STXBP5L: variants seen among roughly 807,000 people sequenced by gnomAD.
STXBP5L encodes syntaxin binding protein 5L, also known as syntaxin-binding protein 5-like.
Under a neutral mutation model 144.5 loss-of-function variants are expected in STXBP5L, and 65 were observed. That is an observed-to-expected ratio of 0.45 (90% CI 0.37 to 0.55). The LOEUF (loss-of-function observed/expected upper bound fraction) is 0.55, where lower values mean the gene tolerates loss of function less well. Among genes scored for constraint, STXBP5L ranks in the 20% least tolerant of loss-of-function variants. The pLI, the probability that STXBP5L is intolerant of heterozygous loss-of-function variation, is 0.00. For missense variants in STXBP5L, 1,298 were observed against 1,405.5 expected (o/e 0.92, Z 1.22); for synonymous variants, 505 against 469.6 (o/e 1.08, Z -0.97).
chr3:121,083,500 A>G (rs1236172122), intron 5 of STXBP5L, among the ~76,000 whole-genome samples: 1 of 151,978 alleles, frequency 6.6e-6, no homozygotes, highest in Non-Finnish European at 1.5e-5. Flanking sequence ...CATCTCTACT[A>G]AAAATACAAA....
At chr3:120,959,411 C>T (rs1487415554) in intron 3 of STXBP5L, among the ~76,000 whole-genome samples, 3 of 152,142 alleles carry the variant, frequency 2.0e-5, no homozygotes, top group Non-Finnish European at 4.4e-5. Context: ...CTTTAAAGTT[C>T]ATATGGAACC....
At chr3:121,068,323 C>A (rs1375882319) in intron 5 of STXBP5L, among the ~76,000 whole-genome samples, 1 of 152,190 alleles carries the variant, frequency 6.6e-6, no homozygotes. Flanking sequence ...TAGTCTTATA[C>A]TTGGTGTACC....
At chr3:121,118,375 C>T (rs1424335753) in intron 6 of STXBP5L, among the ~76,000 whole-genome samples, 2 of 151,580 alleles carry the variant, frequency 1.3e-5, no homozygotes, top group Non-Finnish European at 3.0e-5. Context: ...AAGAACATTC[C>T]GGGCAGAGGG....
At chr3:121,004,762 C>G (rs146397146) in intron 3 of STXBP5L, among the ~76,000 whole-genome samples, 14 of 152,032 alleles carry the variant, frequency 9.2e-5, no homozygotes, top group African/African-American at 2.7e-4. Context: ...TAGCATGAAG[C>G]GTTGTTGAAT....
Position 121,407,387 on chromosome 3 carries a change from T to C in STXBP5L, c.2732T>C (p.Met911Thr). ...AAATCTTGGAGAAGGAAAGTGGTAA[T>C]GAACTCATCTTCTGCATCCCAAGAA... ...NEKSWRRKVV[M>T]NSSSASQEIG... Residue 911 changes from methionine to threonine, a missense_variant, in exon 23 of 27, where the codon ATG (methionine) becomes ACG (threonine). By Grantham distance (81) the Met-to-Thr change is moderately conservative. Transcript: ENST00000471454. 2 of 1,613,088 alleles carry C rather than the reference T, an allele frequency of 1.2e-6. No individual in the cohort carries two copies. The highest frequency in any genetic ancestry group is 8.5e-7 in the Non-Finnish European group (1 of 1,179,370).
intron 7 of STXBP5L, among the ~76,000 whole-genome samples, chr3:121,139,765 T>G (rs2045415646): frequency 6.6e-6 from 1 of 151,938 alleles, no homozygotes; most frequent in African/African-American, 2.4e-5. Flanking sequence ...GGGAGGACAA[T>G]GCAAAGGAAA....
chr3:120,986,373 G>A (rs1327351847), intron 3 of STXBP5L, among the ~76,000 whole-genome samples: 1 of 151,856 alleles, frequency 6.6e-6, no homozygotes, highest in East Asian at 1.9e-4. Context: ...CGAGTGTTCT[G>A]TATATGTCTG....
At chr3:121,187,583 A>G (rs573690234) in intron 9 of STXBP5L, among the ~76,000 whole-genome samples, 2 of 138,554 alleles carry the variant, frequency 1.4e-5, no homozygotes, top group African/African-American at 5.4e-5. Context: ...AAAAATAGAA[A>G]AAAGAACCAT....
intron 5 of STXBP5L, among the ~76,000 whole-genome samples, chr3:121,077,923 C>G (rs6780119): frequency 0.099 from 14,901 of 151,088 alleles, 1,150 homozygotes; most frequent in Admixed American, 0.2. Flanking sequence ...TGTGTATGTA[C>G]AATCCCTTAG....
intron 6 of STXBP5L, among the ~76,000 whole-genome samples, chr3:121,118,000 T>C (rs1054424854): frequency 1.3e-5 from 2 of 151,760 alleles, no homozygotes; most frequent in Non-Finnish European, 3.0e-5. Context: ...TAAAAAAATG[T>C]AAGCTTTTTT....
chr3:121,042,963 C>T (rs73187436), intron 4 of STXBP5L, among the ~76,000 whole-genome samples: 5,391 of 151,648 alleles, frequency 0.036, 144 homozygotes, highest in Middle Eastern at 0.085. Context: ...GTTGAGGGAT[C>T]TCAGCTTTTT....
At chr3:121,199,760 G>A (rs550843326) in intron 9 of STXBP5L, among the ~76,000 whole-genome samples, 11 of 152,064 alleles carry the variant, frequency 7.2e-5, no homozygotes, top group South Asian at 2.1e-4. Flanking sequence ...TTTGTCATTC[G>A]ATCTGTTTAT....
intron 19 of STXBP5L, among the ~76,000 whole-genome samples, chr3:121,308,350 T>G (rs535159737): frequency 6.6e-6 from 1 of 152,134 alleles, no homozygotes; most frequent in Non-Finnish European, 1.5e-5. Flanking sequence ...AAACAAAAAC[T>G]GAGAGAATTT....
At chr3:121,252,467 A>G (rs879580998) in intron 15 of STXBP5L, among the ~76,000 whole-genome samples, 1 of 152,176 alleles carries the variant, frequency 6.6e-6, no homozygotes, top group Non-Finnish European at 1.5e-5. Context: ...TTAAGCATGC[A>G]TAATAATATT....
chr3:120,919,715 A>G (rs1047963312), intron 2 of STXBP5L, among the ~76,000 whole-genome samples: 1 of 151,976 alleles, frequency 6.6e-6, no homozygotes, highest in African/African-American at 2.4e-5. Flanking sequence ...TATTTTATAT[A>G]TGATTCTAAA....
intron 3 of STXBP5L, among the ~76,000 whole-genome samples, chr3:121,031,494 G>T (rs1303971111): frequency 6.6e-6 from 1 of 152,016 alleles, no homozygotes; most frequent in Non-Finnish European, 1.5e-5. Flanking sequence ...GGGCAGGTTG[G>T]CAGGCTGGAG....
intron 10 of STXBP5L, among the ~76,000 whole-genome samples, chr3:121,207,407 A>G (rs2048379548): frequency 6.6e-6 from 1 of 152,246 alleles, no homozygotes; most frequent in Non-Finnish European, 1.5e-5. Flanking sequence ...GATACCATGT[A>G]GGACATAGAC....
In STXBP5L at chr3:121,257,296, A is replaced by G. The variant is rs1391441001; in HGVS notation, c.1795A>G (p.Ser599Gly). ...TTCTGGGAGCACTAACACTGTTGCT[A>G]GTGAAGGAGTAACAAAGGACAGTAT... is the stretch of plus-strand genomic sequence containing the variant. Reference protein sequence around the residue: ...SLSGSTNTVASEGVTKDSIPC... With the variant: ...SLSGSTNTVAGEGVTKDSIPC... The change falls in exon 17 of 27, where the codon AGT (serine) becomes GGT (glycine). Residue 599 changes from serine to glycine, a missense_variant. Physicochemically the swap from Ser to Gly is moderately conservative, Grantham distance 56. Coordinates refer to ENST00000471454, the MANE Select transcript of STXBP5L (RefSeq NM_001308330.2). The G allele has an allele frequency of 1.9e-6, 3 of 1,613,488 alleles. No homozygotes were observed. Among genetic ancestry groups the G allele is most frequent in the Non-Finnish European group, 2.5e-6 (3 of 1,179,592 alleles).
At chr3:121,290,831 A>G (rs573549768) in intron 19 of STXBP5L, among the ~76,000 whole-genome samples, 1 of 152,304 alleles carries the variant, frequency 6.6e-6, no homozygotes, top group South Asian at 2.1e-4. Context: ...CAGAAAAAGC[A>G]TTTGATAAAA....
Sources: gnomAD v4.1 joint callset for allele counts (sites outside exome capture counted in the v4.1 genomes callset) on GRCh38, gnomAD v4.1.1 for gene constraint, MANE v1.5 for transcripts, NCBI Gene and HGNC (gene_info 2026-07-23, HGNC 2026-07-21) for gene names.